Variants in TRABD2B observed in about 807,000 individuals in gnomAD.
TRABD2B encodes metalloprotease TIKI2.
A neutral mutation model predicts 40.1 loss-of-function variants in TRABD2B; 14 were observed. The ratio of observed to expected loss-of-function variants is 0.35; its 90% confidence interval spans 0.23 to 0.55. The LOEUF is 0.55. Among genes scored for constraint, TRABD2B ranks in the 20% least tolerant of loss-of-function variants. TRABD2B has a pLI of 0.90. For synonymous variants in TRABD2B, 263 were observed against 277.0 expected, an observed-to-expected ratio of 0.95 and a Z score of 0.50; for missense variants, 541 against 648.6, an observed-to-expected ratio of 0.83 and a Z score of 1.80.
chr1:47,914,907 T>C (rs1270437972), intron 2 of TRABD2B, among the ~76,000 whole-genome samples: 2 of 152,254 alleles, frequency 1.3e-5, no homozygotes, highest in Non-Finnish European at 2.9e-5. Flanking sequence ...GACACAGTCC[T>C]CTGTGGCCCG....
At position 47,997,244 on chromosome 1, in the gene TRABD2B, C is replaced by A. The variant is rs1382010582; in HGVS notation, c.-455G>T. The A allele has an allele frequency of 5.1e-6, 5 of 981,270 alleles. No individual in the cohort carries two copies. Among genetic ancestry groups the A allele is most frequent in the Non-Finnish European group, 6.0e-6 (5 of 828,168 alleles). The allele number at this position is 981,270 out of a possible 1,614,324, so 60.8% of individuals were successfully genotyped here. A position where few individuals can be genotyped will look rare whatever the true frequency, so the allele number is the denominator to read the frequency against. ...CAGGAGGCGCGCAGTGGGACAAGTG[C>A]GGCGGAAGGCGCGGCAGGGGTGGGG... On this transcript the variant is annotated 5_prime_UTR_variant, in exon 1 of 7. Transcript: ENST00000606738.
intron 2 of TRABD2B, among the ~76,000 whole-genome samples, chr1:47,865,968 A>G (rs1007929847): frequency 6.6e-6 from 1 of 152,002 alleles, no homozygotes; most frequent in Non-Finnish European, 1.5e-5. Flanking sequence ...TTCATCTATA[A>G]AGGGAGAGAC....
chr1:47,881,944 G>A (rs1644309380), intron 2 of TRABD2B, among the ~76,000 whole-genome samples: 1 of 152,204 alleles, frequency 6.6e-6, no homozygotes, highest in African/African-American at 2.4e-5. Flanking sequence ...ATGAGGAGTT[G>A]GGCAGGGCTC....
intron 2 of TRABD2B, among the ~76,000 whole-genome samples, chr1:47,930,898 T>C (rs991046547): frequency 6.6e-6 from 1 of 152,096 alleles, no homozygotes; most frequent in Non-Finnish European, 1.5e-5. Context: ...CTGTTGATTC[T>C]CCCTTGGTGC....
chr1:47,892,522 C>T (rs913429963), intron 2 of TRABD2B, among the ~76,000 whole-genome samples: 1 of 152,094 alleles, frequency 6.6e-6, no homozygotes, highest in Admixed American at 6.6e-5. Flanking sequence ...ATGGTCTCCT[C>T]GGTACAAAGT....
At chr1:47,878,175 G>A (rs1570188874) in intron 2 of TRABD2B, among the ~76,000 whole-genome samples, 2 of 152,222 alleles carry the variant, frequency 1.3e-5, no homozygotes, top group Non-Finnish European at 2.9e-5. Flanking sequence ...AATTAGCCAG[G>A]TGTGGTGGCG....
intron 2 of TRABD2B, among the ~76,000 whole-genome samples, chr1:47,843,175 T>C (rs1361946018): frequency 6.6e-6 from 1 of 152,126 alleles, no homozygotes; most frequent in Non-Finnish European, 1.5e-5. Context: ...CCCTTTTCCT[T>C]AGAGCAAGGA....
intron 4 of TRABD2B, among the ~76,000 whole-genome samples, chr1:47,785,891 T>G (rs1350194449): frequency 6.6e-6 from 1 of 152,204 alleles, no homozygotes; most frequent in Non-Finnish European, 1.5e-5. Context: ...TCAGTGCTAC[T>G]TGGAGCTGAA....
chr1:47,808,831 A>G (rs1423761854), intron 2 of TRABD2B, among the ~76,000 whole-genome samples: 1 of 152,146 alleles, frequency 6.6e-6, no homozygotes, highest in Admixed American at 6.5e-5. Flanking sequence ...AGCTGGTAGG[A>G]AGTACAGACA....
intron 2 of TRABD2B, among the ~76,000 whole-genome samples, chr1:47,960,890 G>A (rs1444946574): frequency 2.6e-5 from 4 of 152,032 alleles, no homozygotes; most frequent in Non-Finnish European, 5.9e-5. Context: ...CCAAAAAAGA[G>A]CCCGCATTGC....
chr1:47,861,288 GT>G (rs550218065), intron 2 of TRABD2B, among the ~76,000 whole-genome samples: 1 of 151,826 alleles, frequency 6.6e-6, no homozygotes, highest in South Asian at 2.1e-4. Flanking sequence ...GGTGGTGGGG[GT>G]GGCGGGGGTA....
intron 2 of TRABD2B, among the ~76,000 whole-genome samples, chr1:47,935,385 G>A (rs1995093): frequency 0.96 from 146,125 of 152,262 alleles, 70,426 homozygotes; most frequent in Non-Finnish European, 1. Flanking sequence ...ACATGTGTTC[G>A]CACCCGTCGT....
At chr1:47,794,806 T>C in intron 3 of TRABD2B, 46 bp from the exon 4 acceptor site, 1 of 1,454,994 alleles carries the variant, frequency 6.9e-7, no homozygotes, top group Non-Finnish European at 9.0e-7. Context: ...TTTTTTTTTT[T>C]TTTTTTGATA....
intron 2 of TRABD2B, among the ~76,000 whole-genome samples, chr1:47,959,669 T>C (rs189189192): frequency 6.2e-4 from 94 of 152,304 alleles, no homozygotes; most frequent in African/African-American, 2.1e-3. Flanking sequence ...CAGGAAGAAG[T>C]TGAATCCCTG....
rs546527369 is a variant in TRABD2B at position 47,962,004 on chromosome 1, A to G, written c.666+32030T>C. On this transcript the variant is annotated intron_variant, in intron 2 of 6. Coordinates refer to ENST00000606738, the MANE Select transcript of TRABD2B (RefSeq NM_001194986.2). ...ATAGACTGGATTAAGAAAATGTGGC[A>G]CATATACACCATGGAATACTATGCA... 2.6e-5 allele frequency among the ~76,000 whole-genome samples: 4 copies of G among 152,322 alleles called. No homozygotes were observed. In the East Asian group the frequency reaches 5.8e-4, roughly 22 times the overall value.
chr1:47,910,646 A>T (rs1557652224), intron 2 of TRABD2B, among the ~76,000 whole-genome samples: 1 of 152,180 alleles, frequency 6.6e-6, no homozygotes, highest in Non-Finnish European at 1.5e-5. Flanking sequence ...AGAGTGTAGT[A>T]GTTAGAAAAA....
intron 2 of TRABD2B, among the ~76,000 whole-genome samples, chr1:47,987,267 A>G (rs1051590408): frequency 2.6e-5 from 4 of 151,914 alleles, no homozygotes; most frequent in Admixed American, 2.6e-4. Flanking sequence ...GCCCCTTCCA[A>G]CTCTAAGATT....
At chr1:47,880,822 C>T (rs1249952375) in intron 2 of TRABD2B, among the ~76,000 whole-genome samples, 5 of 152,194 alleles carry the variant, frequency 3.3e-5, no homozygotes, top group Admixed American at 3.3e-4. Flanking sequence ...TGAACTTTCT[C>T]AGTAATAAAG....
chr1:47,801,410 G>A (rs1644821158), intron 3 of TRABD2B, 63 bp downstream of exon 3: 1 of 1,475,098 alleles, frequency 6.8e-7, no homozygotes, highest in South Asian at 1.2e-5. Flanking sequence ...GATTACCTAT[G>A]CCTGGCACGT....
Sources: allele counts gnomAD v4.1 joint callset (sites outside exome capture counted in the v4.1 genomes callset), GRCh38; gene constraint gnomAD v4.1.1; transcripts MANE v1.5; gene names NCBI Gene and HGNC (gene_info 2026-07-23, HGNC 2026-07-21).